ARSH: variants seen among roughly 807,000 people sequenced by gnomAD.
ARSH encodes the protein arylsulfatase family member H, also known as arylsulfatase H.
Under a neutral mutation model 28.7 loss-of-function variants are expected in ARSH, and 32 were observed. That is an observed-to-expected ratio of 1.11 (90% CI 0.84 to 1.50). The LOEUF (loss-of-function observed/expected upper bound fraction) is 1.50, where lower values mean the gene tolerates loss of function less well. Among genes scored for constraint, ARSH ranks in the 40% most tolerant of loss-of-function variants. The pLI, the probability that ARSH is intolerant of heterozygous loss-of-function variation, is 0.00. For missense variants in ARSH, 440 were observed against 452.4 expected (o/e 0.97, Z 0.25); for synonymous variants, 176 against 177.3 (o/e 0.99, Z 0.06).
Position 3,015,146 on chromosome X carries a change from G to T in ARSH, c.517G>T (p.Ala173Ser). The T allele has an allele frequency of 8.3e-7, 1 of 1,207,823 alleles. No individual in the cohort carries two copies. The highest frequency in any genetic ancestry group is 1.8e-5 in the South Asian group (1 of 56,238). ...LRIKLWISTV[A>S]LALVPFLLLI... The stretch of plus-strand genomic sequence containing the variant: ...GATCAAACTGTGGATCTCCACGGTA[G>T]CCCTTGCCCTGGTTCCTTTTCTGCT... Residue 173 changes from alanine (A) to serine (S), a missense_variant, in exon 4 of 9, where the codon GCC becomes TCC. Transcript: ENST00000381130.
intron 2 of ARSH, among the ~76,000 whole-genome samples, chrX:3,012,587 A>AT (rs2089852591): frequency 8.0e-5 from 2 of 25,143 alleles, no homozygotes; most frequent in African/African-American, 1.7e-4. Flanking sequence ...ATATATATAT[A>AT]TATATATATA....
At chrX:3,031,795 C>G (rs191777594) in intron 8 of ARSH, among the ~76,000 whole-genome samples, 37 of 111,297 alleles carry the variant, frequency 3.3e-4, no homozygotes, top group Non-Finnish European at 6.4e-4. Flanking sequence ...ATCATAATTT[C>G]AGAAGTTGGG....
intron 7 of ARSH, among the ~76,000 whole-genome samples, chrX:3,027,859 T>C (rs140904877): frequency 0.011 from 1,218 of 111,700 alleles, 5 homozygotes; most frequent in Middle Eastern, 0.042. Context: ...CCTAGCACTT[T>C]GGGAGGTCAA....
rs753064112 is a variant in ARSH, at chrX:3,033,153, CAA to C, written c.1458_1459del (p.Asp488ProfsTer10). On this transcript the variant is annotated frameshift_variant, in exon 9 of 9. Transcript: ENST00000381130. LOFTEE classifies it low-confidence loss of function (END_TRUNC). ...GACCCACCACTCCTCTTTGACATCT[CAA>C]GAGACCCTTCAGAAGCCCTTCCACT... is the stretch of plus-strand genomic sequence containing the variant. 6 of 1,209,304 alleles carry C rather than the reference CAA, an allele frequency of 5.0e-6. No individual in the cohort carries two copies. The African/African-American group carries it at 1.1e-4, about 21-fold the overall frequency.
intron 5 of ARSH, among the ~76,000 whole-genome samples, chrX:3,021,835 C>T (rs1364245264): frequency 9.3e-6 from 1 of 107,293 alleles, no homozygotes; most frequent in Non-Finnish European, 1.9e-5. Flanking sequence ...ACCTCAGCCT[C>T]GTGAGTAGCT....
chrX:3,010,659 GTGT>G (rs1281636811), intron 2 of ARSH, among the ~76,000 whole-genome samples: 7 of 112,230 alleles, frequency 6.2e-5, no homozygotes. Context: ...ACAATTAAAT[GTGT>G]TCCTTTGCTG....
At chrX:3,014,908 T>C (rs762619073) in intron 3 of ARSH, 62 bp from the exon 4 acceptor site, 1 of 1,079,040 alleles carries the variant, frequency 9.3e-7, no homozygotes, top group Non-Finnish European at 1.3e-6. Flanking sequence ...GCCCACATTC[T>C]AGAAACAGAC....
At chrX:3,029,417 C>T (rs1231621131) in intron 8 of ARSH, 49 bp downstream of exon 8, 1 of 1,178,012 alleles carries the variant, frequency 8.5e-7, no homozygotes, top group Non-Finnish European at 1.1e-6. Context: ...GGGCCCGGTT[C>T]CGGTCTCCTT....
intron 8 of ARSH, 135 bp from the exon 9 acceptor site, chrX:3,032,883 A>T: frequency 1.7e-6 from 1 of 600,855 alleles, no homozygotes; most frequent in Non-Finnish European, 2.5e-6. Context: ...AAGAAATGCT[A>T]CTGTTGCTGT....
chrX:3,011,602 A>C (rs1394542824), intron 2 of ARSH, among the ~76,000 whole-genome samples: 3 of 111,829 alleles, frequency 2.7e-5, no homozygotes, highest in African/African-American at 9.7e-5. Context: ...ATTTATTTTT[A>C]AAAATTAAGA....
intron 6 of ARSH, among the ~76,000 whole-genome samples, chrX:3,024,898 CT>C (rs1304490192): frequency 9.0e-6 from 1 of 110,569 alleles, no homozygotes; most frequent in Non-Finnish European, 1.9e-5. Context: ...TATTTTCCCC[CT>C]ACCCGCTAAC....
intron 2 of ARSH, 137 bp downstream of exon 2, chrX:3,010,288 C>T (rs62584840): frequency 0.12 from 96,592 of 820,774 alleles, 4,841 homozygotes; most frequent in Non-Finnish European, 0.14. Flanking sequence ...GGTTGTTATC[C>T]CTGGGCAGCT....
intron 5 of ARSH, among the ~76,000 whole-genome samples, chrX:3,020,718 G>T (rs1309114767): frequency 1.8e-5 from 2 of 111,242 alleles, no homozygotes; most frequent in African/African-American, 6.5e-5. Context: ...CTTAGTTAAA[G>T]GGAACTAACC....
intron 5 of ARSH, among the ~76,000 whole-genome samples, chrX:3,020,951 CAT>C (rs1048710127): frequency 1.8e-5 from 2 of 110,710 alleles, no homozygotes; most frequent in Non-Finnish European, 3.8e-5. Context: ...ATGTTATATA[CAT>C]ATATATATAC....
At chrX:3,007,678 CT>C (rs1400651874) in intron 1 of ARSH, among the ~76,000 whole-genome samples, 1 of 107,877 alleles carries the variant, frequency 9.3e-6, no homozygotes, top group Non-Finnish European at 1.9e-5. Flanking sequence ...ATCTCTTCTT[CT>C]TATGAGGTGT....
rs976331881 is a variant in ARSH, at chrX:3,013,158, G to A, written c.326G>A (p.Arg109His). 25 of 1,205,763 alleles carry A rather than the reference G, an allele frequency of 2.1e-5. No individual in the cohort carries two copies. Among genetic ancestry groups the A allele is most frequent in the Non-Finnish European group, 2.7e-5 (24 of 893,434 alleles). Residue 109 changes from arginine to histidine, a missense_variant, in exon 3 of 9, where the codon CGC becomes CAC. Physicochemically the swap from Arg to His is conservative, Grantham distance 29. Coordinates refer to ENST00000381130, the MANE Select transcript of ARSH (RefSeq NM_001011719.2). ...AAGCTGCTGCAGCACCGTGGCTACC[G>A]CACGGGACTCATAGGTATGGCGCCG... The part of the protein sequence containing the change: ...FAKLLQHRGY[R>H]TGLIGKWHLG...
chrX:3,012,805 C>G (rs1430908560), intron 2 of ARSH, among the ~76,000 whole-genome samples: 1 of 106,274 alleles, frequency 9.4e-6, no homozygotes, highest in East Asian at 3.0e-4. Context: ...TGTTGTTAGT[C>G]TGAAATTCAA....
At chrX:3,024,270 C>CCTG in intron 6 of ARSH, 115 bp downstream of exon 6, 3 of 790,032 alleles carry the variant, frequency 3.8e-6, no homozygotes, top group Non-Finnish European at 5.1e-6. Context: ...GTGAGTTAGA[C>CCTG]TCTTATTAAG....
At chrX:3,017,779 T>G (rs974806282) in intron 4 of ARSH, among the ~76,000 whole-genome samples, 1 of 110,628 alleles carries the variant, frequency 9.0e-6, no homozygotes, top group Non-Finnish European at 1.9e-5. Flanking sequence ...GAAGGGAAAA[T>G]GGAGAGTAAG....
Sources: gnomAD v4.1 joint callset for allele counts (sites outside exome capture counted in the v4.1 genomes callset) on GRCh38, gnomAD v4.1.1 for gene constraint, MANE v1.5 for transcripts, NCBI Gene and HGNC (gene_info 2026-07-23, HGNC 2026-07-21) for gene names.